Variants in PLCH1 observed in about 807,000 individuals in gnomAD.
PLCH1 encodes the protein phospholipase C eta 1, also known as 1-phosphatidylinositol 4,5-bisphosphate phosphodiesterase eta-1.
Under a neutral mutation model 126.7 loss-of-function variants are expected in PLCH1, and 60 were observed. That is an observed-to-expected ratio of 0.47 (90% CI 0.38 to 0.59). The LOEUF is 0.59. Among genes scored for constraint, PLCH1 ranks in the 20% least tolerant of loss-of-function variants. The pLI is 0.00. For synonymous variants in PLCH1, 719 were observed against 734.9 expected (o/e 0.98, Z 0.35); for missense variants, 1,723 against 2,040.0 (o/e 0.84, Z 2.99).
chr3:155,526,532 T>A (rs939978438), intron 10 of PLCH1, among the ~76,000 whole-genome samples: 5 of 117,078 alleles, frequency 4.3e-5, no homozygotes, highest in African/African-American at 1.6e-4. Context: ...ACACACACAC[T>A]GGTGTCGTGA....
At chr3:155,672,326 A>T (rs985270655) in intron 2 of PLCH1, among the ~76,000 whole-genome samples, 4 of 152,220 alleles carry the variant, frequency 2.6e-5, no homozygotes, top group African/African-American at 9.6e-5. Context: ...ACTAAGAACA[A>T]TAAGGGAGAA....
At chr3:155,572,250 T>C (rs1729320654) in intron 6 of PLCH1, among the ~76,000 whole-genome samples, 1 of 152,214 alleles carries the variant, frequency 6.6e-6, no homozygotes, top group South Asian at 2.1e-4. Flanking sequence ...TGTGTTTTTG[T>C]GTGTGCTCTG....
At chr3:155,523,845 A>G (rs1285244912) in intron 11 of PLCH1, 52 bp downstream of exon 11, 3 of 1,064,652 alleles carry the variant, frequency 2.8e-6, no homozygotes, top group East Asian at 2.4e-5. Flanking sequence ...TTGGAACTCC[A>G]TTTTAATACA....
At chr3:155,720,811 A>C (rs1747892643) in intron 1 of PLCH1, among the ~76,000 whole-genome samples, 1 of 152,116 alleles carries the variant, frequency 6.6e-6, no homozygotes, top group South Asian at 2.1e-4. Context: ...CAATGTCTAG[A>C]AGGGTTTTTC....
chr3:155,630,649 A>G (rs1375207326), intron 2 of PLCH1, among the ~76,000 whole-genome samples: 1 of 152,202 alleles, frequency 6.6e-6, no homozygotes, highest in Non-Finnish European at 1.5e-5. Context: ...TAATCACACA[A>G]AGGTGAGGCT....
chr3:155,704,368 T>G, intron 1 of PLCH1, 104 bp from the exon 2 acceptor site: 3 of 397,894 alleles, frequency 7.5e-6, no homozygotes. Flanking sequence ...GGGCAACATA[T>G]ACGGCATACA....
At chr3:155,577,849 T>A (rs923659137) in intron 6 of PLCH1, among the ~76,000 whole-genome samples, 3 of 152,230 alleles carry the variant, frequency 2.0e-5, no homozygotes, top group African/African-American at 4.8e-5. Context: ...GAATTTGAAG[T>A]CAGTAGTTTA....
chr3:155,708,559 G>A (rs769322732), intron 1 of PLCH1, among the ~76,000 whole-genome samples: 16 of 152,158 alleles, frequency 1.1e-4, no homozygotes, highest in Non-Finnish European at 8.8e-5. Flanking sequence ...TCATGGCCCC[G>A]TTTGTGTGAA....
Position 155,481,734 on chromosome 3 carries a change from C to T in PLCH1, c.4292G>A (p.Gly1431Asp), listed in dbSNP as rs940224256. The T allele has an allele frequency of 1.2e-6, 2 of 1,614,170 alleles. No individual in the cohort carries two copies. Among genetic ancestry groups the T allele is most frequent in the Non-Finnish European group, 1.7e-6 (2 of 1,180,026 alleles). Residue 1431 changes from glycine to aspartate, a missense_variant, in exon 23 of 23, where the codon GGT (glycine) becomes GAT (aspartate). Around this residue, in one of 2 missense-constraint regions of PLCH1, gnomAD observed 947 missense variants for 977.1 expected, o/e 0.97. Transcript: ENST00000460012. This position sits in a 1 kb window ranked among gnomAD's most constrained non-coding sequence, Gnocchi z 4.2. ...TQSISYLAYQ[G>D]AGFVHNHFSD... ...GAAATGATTATGCACAAAGCCAGCACCCTGATAGGCTAGATAAGAAATACT... is the reference window on the plus strand; with the variant it reads ...GAAATGATTATGCACAAAGCCAGCATCCTGATAGGCTAGATAAGAAATACT...
At chr3:155,553,355 G>A (rs1364814915) in intron 9 of PLCH1, among the ~76,000 whole-genome samples, 1 of 152,078 alleles carries the variant, frequency 6.6e-6, no homozygotes, top group East Asian at 1.9e-4. Flanking sequence ...GGCCTCACGT[G>A]ATCCACCCTC....
At chr3:155,661,042 G>T (rs777445578) in intron 2 of PLCH1, among the ~76,000 whole-genome samples, 6 of 152,284 alleles carry the variant, frequency 3.9e-5, no homozygotes, top group African/African-American at 1.2e-4. Flanking sequence ...TGTCAGCATT[G>T]CCCATAGCAG....
At chr3:155,612,844 G>A (rs1467313538) in intron 2 of PLCH1, among the ~76,000 whole-genome samples, 1 of 148,166 alleles carries the variant, frequency 6.7e-6, no homozygotes, top group African/African-American at 2.5e-5. Context: ...GGAGGCAGAG[G>A]TTGCAGTGAG....
At chr3:155,567,464 G>C (rs191340308) in intron 7 of PLCH1, among the ~76,000 whole-genome samples, 1 of 152,136 alleles carries the variant, frequency 6.6e-6, no homozygotes, top group African/African-American at 2.4e-5. Context: ...TGTTCACACT[G>C]ATCTGGGAGC....
At chr3:155,549,730 G>T in intron 10 of PLCH1, 57 bp downstream of exon 10, 1 of 1,199,132 alleles carries the variant, frequency 8.3e-7, no homozygotes, top group Admixed American at 2.0e-5. Context: ...ATTCTTTAAG[G>T]GAGGGCAGGC....
chr3:155,665,474 A>C (rs1742620768), intron 2 of PLCH1, among the ~76,000 whole-genome samples: 4 of 152,216 alleles, frequency 2.6e-5, no homozygotes, highest in Admixed American at 2.0e-4. Context: ...AAATTGTTCT[A>C]CATGGTTAAA....
rs749163225 is a variant in PLCH1 at position 155,482,097 on chromosome 3, C to CT, written c.3928dup (p.Ser1310LysfsTer21). ...TTCCCAGTCTTCTCCCTTGGTAGGA[C>CT]TTTTTGGTAACCAGCCACGAGAAGT... is the stretch of plus-strand genomic sequence containing the variant. On this transcript the variant is annotated frameshift_variant, in exon 23 of 23. Transcript: ENST00000460012. LOFTEE classifies it low-confidence loss of function (END_TRUNC). 26 of 1,614,030 alleles carry CT rather than the reference C, an allele frequency of 1.6e-5. No homozygotes were observed. Among genetic ancestry groups the CT allele is most frequent in the Non-Finnish European group, 2.1e-5 (25 of 1,180,034 alleles).
chr3:155,543,293 A>G (rs1373008275), intron 10 of PLCH1, among the ~76,000 whole-genome samples: 1 of 152,216 alleles, frequency 6.6e-6, no homozygotes, highest in Non-Finnish European at 1.5e-5. Flanking sequence ...TATCAGTGAC[A>G]GAAGATGAAA....
chr3:155,741,682 C>CTTTTT (rs1491132149), intron 1 of PLCH1, among the ~76,000 whole-genome samples: 1 of 83,082 alleles, frequency 1.2e-5, no homozygotes, highest in African/African-American at 1.0e-4. Flanking sequence ...ATTTTATATC[C>CTTTTT]TCTTTTTTTT....
At chr3:155,557,282 C>A (rs1726947323) in intron 8 of PLCH1, among the ~76,000 whole-genome samples, 1 of 152,062 alleles carries the variant, frequency 6.6e-6, no homozygotes, top group East Asian at 1.9e-4. Flanking sequence ...CAATTTTTAC[C>A]CTGTTTTGTG....
Sources: gnomAD v4.1 joint callset for allele counts (sites outside exome capture counted in the v4.1 genomes callset) on GRCh38, gnomAD v4.1.1 for gene constraint, gnomAD v4.1.1 regional missense constraint, Gnocchi (gnomAD v3.1) non-coding constraint, MANE v1.5 for transcripts, NCBI Gene and HGNC (gene_info 2026-07-23, HGNC 2026-07-21) for gene names.